The following SMYD3 variants were observed in gnomAD, a reference collection of about 807,000 sequenced individuals.
SMYD3 encodes histone-lysine N-methyltransferase SMYD3.
Under a neutral mutation model 57.7 loss-of-function variants are expected in SMYD3, and 36 were observed. The ratio of observed to expected loss-of-function variants is 0.62; its 90% CI spans 0.48 to 0.82. The LOEUF (loss-of-function observed/expected upper bound fraction) is 0.82. SMYD3 is among the 40% of genes least tolerant of loss of function. The probability of loss-of-function intolerance (pLI) is 0.00; values close to 1 mark genes in which losing one functional copy is unlikely to be tolerated. For synonymous variants in SMYD3, 211 were observed against 195.0 expected (o/e 1.08, Z -0.68); for missense variants, 515 against 538.8 (o/e 0.96, Z 0.44).
At chr1:245,806,904 G>A (rs1448700132) in intron 10 of SMYD3, among the ~76,000 whole-genome samples, 19 of 108,888 alleles carry the variant, frequency 1.7e-4, no homozygotes, top group East Asian at 1.3e-3. Context: ...GCGACAGAGC[G>A]AGACTCCGTC....
chr1:245,906,081 G>A lies in SMYD3; in HGVS notation c.813+9449C>T, dbSNP rs552744561. ...AGGAAAATCTCCAGGACACTGGGCT[G>A]GGCAAAGATATTTTGAGCAATACCC... On this transcript the variant is annotated intron_variant, in intron 8 of 11. Coordinates refer to ENST00000490107, the MANE Select transcript of SMYD3 (RefSeq NM_001167740.2). 6.6e-5 allele frequency among the ~76,000 whole-genome samples: 10 copies of A among 152,302 alleles called. No homozygotes were observed. The South Asian group carries it at 2.1e-3, about 32-fold the overall frequency.
chr1:245,940,035 G>A (rs2057162928), intron 5 of SMYD3, among the ~76,000 whole-genome samples: 1 of 152,174 alleles, frequency 6.6e-6, no homozygotes, highest in East Asian at 1.9e-4. Context: ...ATCATGGCCA[G>A]ACTGTTTCTT....
chr1:246,218,132 T>C (rs1484687629), intron 5 of SMYD3, among the ~76,000 whole-genome samples: 1 of 151,698 alleles, frequency 6.6e-6, no homozygotes, highest in Admixed American at 6.6e-5. Context: ...AAAAAGAAAG[T>C]AGACAAGAAT....
intron 5 of SMYD3, among the ~76,000 whole-genome samples, chr1:246,323,712 G>C (rs2065288538): frequency 2.0e-5 from 3 of 152,072 alleles, no homozygotes; most frequent in Non-Finnish European, 4.4e-5. Context: ...TTGAGATTTA[G>C]AATTAGCCAC....
intron 1 of SMYD3, among the ~76,000 whole-genome samples, chr1:246,451,706 G>T (rs957184107): frequency 6.6e-6 from 1 of 152,248 alleles, no homozygotes; most frequent in African/African-American, 2.4e-5. Context: ...GGTGTCCATT[G>T]TAGGGGAGGC....
At chr1:246,460,113 C>A (rs2067774042) in intron 1 of SMYD3, among the ~76,000 whole-genome samples, 1 of 152,212 alleles carries the variant, frequency 6.6e-6, no homozygotes, top group Non-Finnish European at 1.5e-5. Flanking sequence ...TCAGCTAACA[C>A]TGGTTTCTAT....
intron 10 of SMYD3, among the ~76,000 whole-genome samples, chr1:245,832,406 T>A (rs553660038): frequency 1.3e-5 from 2 of 152,154 alleles, no homozygotes; most frequent in East Asian, 1.9e-4. Flanking sequence ...TTTGGGACAA[T>A]GCATTCCACC....
chr1:246,023,604 G>T (rs2059513513), intron 5 of SMYD3, among the ~76,000 whole-genome samples: 1 of 152,042 alleles, frequency 6.6e-6, no homozygotes, highest in Non-Finnish European at 1.5e-5. Context: ...AGAATAAATT[G>T]TTTCACTTTG....
chr1:246,078,784 T>C (rs1279226987), intron 5 of SMYD3, among the ~76,000 whole-genome samples: 4 of 152,140 alleles, frequency 2.6e-5, no homozygotes, highest in African/African-American at 9.7e-5. Flanking sequence ...ACCAGATGTA[T>C]TGACTGACTG....
intron 10 of SMYD3, among the ~76,000 whole-genome samples, chr1:245,823,479 G>A (rs12030295): frequency 0.16 from 23,916 of 152,168 alleles, 2,116 homozygotes; most frequent in East Asian, 0.26. Flanking sequence ...AGTCAGCGCC[G>A]CGCACTACTG....
intron 5 of SMYD3, among the ~76,000 whole-genome samples, chr1:246,213,062 A>G (rs898959043): frequency 6.6e-6 from 1 of 152,152 alleles, no homozygotes; most frequent in Admixed American, 6.5e-5. Flanking sequence ...ACCCTCTACC[A>G]TCAGATAAAC....
intron 10 of SMYD3, among the ~76,000 whole-genome samples, chr1:245,784,054 G>A (rs562850920): frequency 6.6e-6 from 1 of 152,314 alleles, no homozygotes. Flanking sequence ...GCATGCAAAG[G>A]CAAAGGAACT....
intron 5 of SMYD3, among the ~76,000 whole-genome samples, chr1:246,108,119 T>C (rs2061163808): frequency 1.3e-5 from 2 of 152,224 alleles, no homozygotes; most frequent in African/African-American, 2.4e-5. Context: ...AAGGTCTTCT[T>C]GTGCAAAGGA....
intron 8 of SMYD3, among the ~76,000 whole-genome samples, chr1:245,906,636 G>C (rs969118092): frequency 1.3e-5 from 2 of 152,194 alleles, no homozygotes; most frequent in Non-Finnish European, 2.9e-5. Flanking sequence ...CAATCCTACT[G>C]CTGGGTATAT....
At chr1:246,216,451 T>C (rs547652732) in intron 5 of SMYD3, among the ~76,000 whole-genome samples, 14 of 152,148 alleles carry the variant, frequency 9.2e-5, no homozygotes, top group African/African-American at 3.4e-4. Flanking sequence ...GGGAAAAATA[T>C]GCAAAAAAGA....
chr1:245,845,055 G>C (rs1187571688), intron 10 of SMYD3, among the ~76,000 whole-genome samples: 1 of 152,122 alleles, frequency 6.6e-6, no homozygotes, highest in Non-Finnish European at 1.5e-5. Flanking sequence ...TCTGATTAAG[G>C]AATTAATTTG....
chr1:245,977,025 AGCCCAGGGAAAGCCATCGTCTCCG>A (rs1300573263), intron 5 of SMYD3, among the ~76,000 whole-genome samples: 6,348 of 30,858 alleles, frequency 0.21, 2,263 homozygotes, highest in South Asian at 0.41. Flanking sequence ...CATCGTCTCT[AGCCCAGGGAAAGCCATCGTCTCCG>A]GCCCAGGGAA....
intron 8 of SMYD3, among the ~76,000 whole-genome samples, chr1:245,875,731 T>C (rs371012423): frequency 7.8e-4 from 119 of 152,356 alleles, no homozygotes; most frequent in Middle Eastern, 3.4e-3. Flanking sequence ...TTTGTTTTCA[T>C]TTTGGGTCAT....
chr1:246,195,383 G>A (rs2062814956), intron 5 of SMYD3, among the ~76,000 whole-genome samples: 1 of 152,108 alleles, frequency 6.6e-6, no homozygotes, highest in Admixed American at 6.5e-5. Context: ...AAGTCTCACA[G>A]GACTCATGTG....
Sources: allele counts gnomAD v4.1 joint callset (sites outside exome capture counted in the v4.1 genomes callset), GRCh38; gene constraint gnomAD v4.1.1; transcripts MANE v1.5; gene names NCBI Gene and HGNC (gene_info 2026-07-23, HGNC 2026-07-21).